The following DOK6 variants were observed in gnomAD, a reference collection of about 807,000 sequenced individuals.
DOK6 encodes docking protein 6, also known as downstream of tyrosine kinase 6.
In DOK6, 22 loss-of-function variants were observed where a neutral mutation model predicts 44.0. That is an observed-to-expected ratio of 0.50 (90% CI 0.36 to 0.71). The LOEUF (loss-of-function observed/expected upper bound fraction) is 0.71. Ranked by LOEUF, DOK6 falls within the 30% of genes least tolerant of loss-of-function variation. The pLI is 0.00. For missense variants in DOK6, 340 were observed against 416.4 expected, an observed-to-expected ratio of 0.82 and a Z score of 1.60; for synonymous variants, 166 against 145.5, an observed-to-expected ratio of 1.14 and a Z score of -1.01.
At chr18:69,590,251 A>G (rs12604330) in intron 2 of DOK6, among the ~76,000 whole-genome samples, 17,689 of 152,224 alleles carry the variant, frequency 0.12, 1,165 homozygotes, top group East Asian at 0.26. Flanking sequence ...TGTGTCCTGC[A>G]TAAGAACACA....
At chr18:69,693,459 C>A (rs1372197192) in intron 4 of DOK6, among the ~76,000 whole-genome samples, 5 of 152,230 alleles carry the variant, frequency 3.3e-5, no homozygotes, top group African/African-American at 1.2e-4. Flanking sequence ...TTATTTAATA[C>A]ATAAATTCCA....
chr18:69,586,239 T>A (rs1034369606), intron 2 of DOK6, among the ~76,000 whole-genome samples: 1 of 152,090 alleles, frequency 6.6e-6, no homozygotes, highest in Non-Finnish European at 1.5e-5. Context: ...TTTGTGAAAA[T>A]CCCAAGTTTA....
chr18:69,758,945 A>G (rs1459498331), intron 7 of DOK6, among the ~76,000 whole-genome samples: 1 of 152,206 alleles, frequency 6.6e-6, no homozygotes, highest in Admixed American at 6.5e-5. Flanking sequence ...TCCAAACTAG[A>G]CTAATGGAGT....
chr18:69,719,996 C>T (rs964586999), intron 5 of DOK6, among the ~76,000 whole-genome samples: 2 of 152,116 alleles, frequency 1.3e-5, no homozygotes, highest in Admixed American at 6.5e-5. Context: ...TCGAGACCAC[C>T]CTGGGCTACA....
intron 1 of DOK6, among the ~76,000 whole-genome samples, chr18:69,435,025 G>GGGAA (rs71176965): frequency 2.4e-3 from 174 of 72,310 alleles, no homozygotes; most frequent in African/African-American, 8.3e-3. Context: ...TAGGGAGGGA[G>GGGAA]GGAAGGAAGG....
intron 3 of DOK6, among the ~76,000 whole-genome samples, chr18:69,652,809 G>C (rs1189012828): frequency 6.6e-6 from 1 of 152,136 alleles, no homozygotes; most frequent in East Asian, 1.9e-4. Flanking sequence ...ACCCTACAAA[G>C]GAACATATTA....
Position 69,825,483 on chromosome 18 carries a change from T to A in DOK6, c.857-15761T>A, listed in dbSNP as rs981449968. On this transcript the variant is annotated intron_variant, in intron 7 of 7. Transcript: ENST00000382713. ...CGGAGTCTTGCTCTGTCACCCAGAC[T>A]GGAATGCAGTGGCACGATCTCGGCT... 3.7e-5 allele frequency among the ~76,000 whole-genome samples: 5 copies of A among 136,280 alleles called. No homozygotes were observed. The Admixed American group carries it at 4.0e-4, about 11-fold the overall frequency. 89.4% of individuals were successfully genotyped at this position (136,280 alleles called of 152,430 possible).
chr18:69,564,224 G>A (rs1332291795), intron 1 of DOK6, among the ~76,000 whole-genome samples: 1 of 152,112 alleles, frequency 6.6e-6, no homozygotes, highest in Non-Finnish European at 1.5e-5. Context: ...ATATGGTACT[G>A]ACATCCAGAT....
At chr18:69,465,721 G>A (rs913173610) in intron 1 of DOK6, among the ~76,000 whole-genome samples, 12 of 151,814 alleles carry the variant, frequency 7.9e-5, no homozygotes, top group African/African-American at 2.7e-4. Context: ...GGACATTTGG[G>A]TTGGTTCCAA....
intron 1 of DOK6, among the ~76,000 whole-genome samples, chr18:69,460,597 C>T (rs1241862325): frequency 1.3e-5 from 2 of 152,144 alleles, no homozygotes; most frequent in African/African-American, 2.4e-5. Flanking sequence ...TTAAGTCATG[C>T]ATACCCTTCA....
chr18:69,573,247 T>C (rs546225554), intron 2 of DOK6, among the ~76,000 whole-genome samples: 4 of 151,642 alleles, frequency 2.6e-5, no homozygotes, highest in African/African-American at 4.8e-5. Flanking sequence ...GTGTGATTTT[T>C]CCCTCCAATG....
chr18:69,567,222 G>C (rs1287127059), intron 2 of DOK6, among the ~76,000 whole-genome samples: 11 of 152,090 alleles, frequency 7.2e-5, no homozygotes, highest in South Asian at 2.1e-4. Flanking sequence ...ATGCACTGGG[G>C]ATACAGTATT....
intron 5 of DOK6, among the ~76,000 whole-genome samples, chr18:69,718,699 C>G (rs1266942751): frequency 6.6e-6 from 1 of 152,148 alleles, no homozygotes; most frequent in Non-Finnish European, 1.5e-5. Flanking sequence ...ATGTTTCATA[C>G]TAGTCATGAA....
chr18:69,583,752 C>CAAAAAAAAAAA (rs36222332), intron 2 of DOK6, among the ~76,000 whole-genome samples: 2 of 143,720 alleles, frequency 1.4e-5, no homozygotes, highest in African/African-American at 2.7e-5. Flanking sequence ...TCCATCCATA[C>CAAAAAAAAAAA]AAAAAAAAAA....
chr18:69,674,825 C>G (rs1041380888), intron 3 of DOK6, among the ~76,000 whole-genome samples: 2 of 152,112 alleles, frequency 1.3e-5, no homozygotes, highest in African/African-American at 2.4e-5. Context: ...CCACTAGACT[C>G]TATGATTATT....
At chr18:69,685,284 G>A (rs935693683) in intron 4 of DOK6, among the ~76,000 whole-genome samples, 3 of 151,910 alleles carry the variant, frequency 2.0e-5, no homozygotes, top group Non-Finnish European at 2.9e-5. Context: ...AGTCAAATAC[G>A]TAGCCTGTCA....
In DOK6 at chr18:69,757,811, G is replaced by T; in HGVS notation, c.794G>T (p.Arg265Leu). ...TTATCCAAATCAATATCTCTTCCTC[G>T]CAGCGCGTACTGGCATCACATCACT... ...MTLSKSISLP[R>L]SAYWHHITRQ... is the part of the protein sequence containing the mutation. The change falls in exon 7 of 8, where the codon CGC becomes CTC. Residue 265 changes from arginine to leucine, a missense_variant. Transcript: ENST00000382713. 1.9e-6 allele frequency: 3 copies of T among 1,614,052 alleles called. No individual in the cohort carries two copies. Among genetic ancestry groups the T allele is most frequent in the South Asian group, 2.2e-5 (2 of 91,080 alleles).
At chr18:69,786,571 T>G (rs1248349992) in intron 7 of DOK6, among the ~76,000 whole-genome samples, 1 of 152,220 alleles carries the variant, frequency 6.6e-6, no homozygotes, top group Non-Finnish European at 1.5e-5. Flanking sequence ...CAAGAGAATC[T>G]TGCACAATGA....
intron 2 of DOK6, 23 bp downstream of exon 2, chr18:69,564,617 C>G (rs1352402526): frequency 3.2e-6 from 5 of 1,578,360 alleles, no homozygotes; most frequent in Non-Finnish European, 4.3e-6. Flanking sequence ...CCTGGGAGTC[C>G]CTGGGGAATA....
Sources: allele counts gnomAD v4.1 joint callset (sites outside exome capture counted in the v4.1 genomes callset), GRCh38; gene constraint gnomAD v4.1.1; transcripts MANE v1.5; gene names NCBI Gene and HGNC (gene_info 2026-07-23, HGNC 2026-07-21).